SLC22A5: variants seen among roughly 807,000 people sequenced by gnomAD.
The protein encoded by SLC22A5 is solute carrier family 22 member 5, also known as organic cation/carnitine transporter 2.
In SLC22A5, 44 loss-of-function variants were observed where a neutral mutation model predicts 56.7. That is an observed-to-expected ratio of 0.78 (90% CI 0.61 to 1.00). SLC22A5 has a LOEUF of 1.00. Ranked by LOEUF, SLC22A5 falls within the 50% of genes least tolerant of loss-of-function variation. SLC22A5 has a pLI of 0.00. For synonymous variants in SLC22A5, 278 were observed against 292.1 expected (o/e 0.95, Z 0.49); for missense variants, 675 against 723.0 (o/e 0.93, Z 0.76).
At chr5:132,388,283 G>A (rs1752597351) in intron 5 of SLC22A5, among the ~76,000 whole-genome samples, 1 of 152,138 alleles carries the variant, frequency 6.6e-6, no homozygotes, top group Non-Finnish European at 1.5e-5. Flanking sequence ...ACCTTTTGTT[G>A]AACTTCTAAC....
At chr5:132,371,884 G>A (rs1301272800) in intron 1 of SLC22A5, among the ~76,000 whole-genome samples, 1 of 152,152 alleles carries the variant, frequency 6.6e-6, no homozygotes, top group African/African-American at 2.4e-5. Context: ...CCTCAGAGGG[G>A]CTTACAGGGG....
rs563142575 is a variant in SLC22A5, at chr5:132,393,772, C to G, written c.1547C>G (p.Pro516Arg). ...TTTCTCCCAGAGAGCTTCGGTACCC[C>G]ACTCCCAGACACCATTGACCAGATG... ...TLFLPESFGT[P>R]LPDTIDQMLR... The change falls in exon 9 of 10, where the codon CCA becomes CGA. Residue 516 changes from proline (P) to arginine (R), a missense_variant. Physicochemically the swap from Pro to Arg is moderately radical, Grantham distance 103. Coordinates refer to ENST00000245407, the MANE Select transcript of SLC22A5 (RefSeq NM_003060.4). 14 of 1,614,180 alleles carry G rather than the reference C, an allele frequency of 8.7e-6. No homozygotes were observed. In the East Asian group the frequency reaches 1.3e-4, roughly 15 times the overall value.
rs951116593 is a variant in SLC22A5 at position 132,370,750 on chromosome 5, C to T, written c.393+385C>T. On this transcript the variant is annotated intron_variant, in intron 1 of 9. Transcript: ENST00000245407. ...TGGGCCAGGGGCTATCCCGTTTTTC[C>T]TCTAGTCTCTTGATTTCTTTTTAGA... Among the ~76,000 whole-genome samples the T allele has an allele frequency of 3.9e-5, 6 of 152,166 alleles. No homozygotes were observed. The East Asian group carries it at 5.8e-4, about 15-fold the overall frequency.
At position 132,395,306 on chromosome 5, in the gene SLC22A5, C is replaced by T. The variant is rs1038279341; in HGVS notation, c.*1034C>T. Reference sequence around the variant, plus strand: ...ACCAGCCCTAGCCTCTAGCACTTCTCTAAGTGCCAAAAACAGTGTCATTGT... The same window carrying T: ...ACCAGCCCTAGCCTCTAGCACTTCTTTAAGTGCCAAAAACAGTGTCATTGT... On this transcript the variant is annotated 3_prime_UTR_variant, in exon 10 of 10. Coordinates refer to ENST00000245407, the MANE Select transcript of SLC22A5 (RefSeq NM_003060.4). 3 of 151,852 alleles carry T rather than the reference C, an allele frequency of 2.0e-5. No individual in the cohort carries two copies. The highest frequency in any genetic ancestry group is 7.3e-5 in the African/African-American group (3 of 41,166). 9.4% of individuals were successfully genotyped at this position (151,852 alleles called of 1,614,324 possible). A position where few individuals can be genotyped will look rare whatever the true frequency, so the allele number is the denominator to read the frequency against.
At chr5:132,389,242 G>A in intron 6 of SLC22A5, 1 of 531,514 alleles carries the variant, frequency 1.9e-6, no homozygotes, top group South Asian at 2.0e-5. Flanking sequence ...AGGCTGTTGT[G>A]GGAAATATGG....
intron 5 of SLC22A5, chr5:132,387,714 TC>T (rs1276344771): frequency 9.4e-5 from 17 of 180,276 alleles, no homozygotes; most frequent in South Asian, 4.9e-4. Flanking sequence ...GTCCACCTCT[TC>T]CCCCTACCCC....
intron 1 of SLC22A5, chr5:132,376,280 GC>G (rs1752136122): frequency 6.6e-6 from 1 of 152,314 alleles, no homozygotes; most frequent in Non-Finnish European, 1.5e-5. Context: ...CTTTTGGAGG[GC>G]CCAAAGCCAG....
At chr5:132,386,524 C>T (rs191869362) in intron 4 of SLC22A5, among the ~76,000 whole-genome samples, 14 of 152,334 alleles carry the variant, frequency 9.2e-5, no homozygotes, top group African/African-American at 3.1e-4. Flanking sequence ...AACCACTGCA[C>T]CTGGCCAAAC....
In SLC22A5 at chr5:132,378,407, G is replaced by T; in HGVS notation, c.423G>T (p.Lys141Asn). The change falls in exon 2 of 10, where the codon AAG becomes AAT. Residue 141 changes from lysine (K) to asparagine (N), a missense_variant. Lys to Asn is a moderately conservative substitution (Grantham distance 94). Coordinates refer to ENST00000245407, the MANE Select transcript of SLC22A5 (RefSeq NM_003060.4). ...ACCTGGTGTGTGAGGACGACTGGAA[G>T]GCCCCACTCACAATCTCCTTGTTCT... ...EWNLVCEDDW[K>N]APLTISLFFV... The T allele has an allele frequency of 6.2e-7, 1 of 1,614,204 alleles. No individual in the cohort carries two copies. The highest frequency in any genetic ancestry group is 1.7e-5 in the Admixed American group (1 of 60,026).
At position 132,392,528 on chromosome 5, in the gene SLC22A5, C is replaced by T. The variant is rs1326829327; in HGVS notation, c.1363C>T (p.Pro455Ser). The change falls in exon 8 of 10, where the codon CCC (proline) becomes TCC (serine). Residue 455 changes from proline (P) to serine (S), a missense_variant. By Grantham distance (74) the Pro-to-Ser change is moderately conservative (BLOSUM62 -1). Coordinates refer to ENST00000245407, the MANE Select transcript of SLC22A5 (RefSeq NM_003060.4). The stretch of plus-strand genomic sequence containing the variant: ...CTACGTGTACACAGCCGAGCTGTAT[C>T]CCACAGTGGTGAGAAACATGGGTGT... ...MVYVYTAELYPTVVRNMGVGV... is the reference protein window; with the variant it reads ...MVYVYTAELYSTVVRNMGVGV... 1.2e-6 allele frequency: 2 copies of T among 1,614,062 alleles called. No individual in the cohort carries two copies. Among genetic ancestry groups the T allele is most frequent in the African/African-American group, 2.7e-5 (2 of 75,006 alleles).
At chr5:132,376,597 T>G (rs1752146352) in intron 1 of SLC22A5, 1 of 152,224 alleles carries the variant, frequency 6.6e-6, no homozygotes, top group Non-Finnish European at 1.5e-5. Flanking sequence ...CCCACGTGGA[T>G]TGCTAGTCTA....
At position 132,389,075 on chromosome 5, in the gene SLC22A5, A is replaced by G. The variant is rs376771026; in HGVS notation, c.1052+54A>G. The G allele has an allele frequency of 2.0e-4, 229 of 1,135,162 alleles. 1 individual carries two copies. In the African/African-American group the frequency reaches 2.9e-3, roughly 14 times the overall value. 70.3% of individuals were successfully genotyped at this position (1,135,162 alleles called of 1,614,324 possible). A position where few individuals can be genotyped will look rare whatever the true frequency, so the allele number is the denominator to read the frequency against. On this transcript the variant is annotated intron_variant, in intron 6 of 9. Transcript: ENST00000245407. ...CCAGACAAAGCTTCTTGAAGTGGCCATTGGGCCTCTTGTTTACAGACATGC... is the reference window on the plus strand; with the variant it reads ...CCAGACAAAGCTTCTTGAAGTGGCCGTTGGGCCTCTTGTTTACAGACATGC...
chr5:132,390,529 T>C, intron 6 of SLC22A5, 161 bp from the exon 7 acceptor site: 1 of 706,988 alleles, frequency 1.4e-6, no homozygotes, highest in East Asian at 2.7e-5. Flanking sequence ...AATTATCTTT[T>C]GATCTATGAA....
At chr5:132,372,393 G>A (rs1160245968) in intron 1 of SLC22A5, among the ~76,000 whole-genome samples, 1 of 152,168 alleles carries the variant, frequency 6.6e-6, no homozygotes, top group Non-Finnish European at 1.5e-5. Flanking sequence ...GAAGCAAGAA[G>A]AAGCACATGG....
In SLC22A5 at chr5:132,394,950, G is replaced by C. The variant is rs148673968; in HGVS notation, c.*678G>C. On this transcript the variant is annotated 3_prime_UTR_variant, in exon 10 of 10. Coordinates refer to ENST00000245407, the MANE Select transcript of SLC22A5 (RefSeq NM_003060.4). The stretch of plus-strand genomic sequence containing the variant: ...TGATCAAAGCACTGGGCTTGTCCAG[G>C]CTCATAATAAATGCTCCATTGAATC... 6.6e-6 allele frequency: 1 copy of C among 152,516 alleles called. No individual in the cohort carries two copies. The highest frequency in any genetic ancestry group is 1.5e-5 in the Non-Finnish European group (1 of 68,240). 9.4% of individuals were successfully genotyped at this position (152,516 alleles called of 1,614,324 possible). A position where few individuals can be genotyped will look rare whatever the true frequency, so the allele number is the denominator to read the frequency against.
chr5:132,373,784 A>G (rs1185255815), intron 1 of SLC22A5, among the ~76,000 whole-genome samples: 1 of 152,172 alleles, frequency 6.6e-6, no homozygotes, highest in Non-Finnish European at 1.5e-5. Context: ...GTACTGGGGA[A>G]TTAGCCAACC....
chr5:132,374,804 C>G (rs1338035576), intron 1 of SLC22A5, among the ~76,000 whole-genome samples: 1 of 151,854 alleles, frequency 6.6e-6, no homozygotes, highest in Non-Finnish European at 1.5e-5. Flanking sequence ...GCCTGTAATC[C>G]CAGGGCTTTG....
intron 1 of SLC22A5, among the ~76,000 whole-genome samples, chr5:132,372,704 T>A (rs1413117854): frequency 6.6e-6 from 1 of 152,264 alleles, no homozygotes; most frequent in African/African-American, 2.4e-5. Context: ...GATCTTTGTT[T>A]TGGGCTACTG....
intron 5 of SLC22A5, 40 bp downstream of exon 5, chr5:132,387,191 C>T (rs1351349720): frequency 6.2e-7 from 1 of 1,613,172 alleles, no homozygotes; most frequent in Non-Finnish European, 8.5e-7. Context: ...GACAGACTGA[C>T]CGTGATTTGA....
Sources: allele counts gnomAD v4.1 joint callset (sites outside exome capture counted in the v4.1 genomes callset), GRCh38; gene constraint gnomAD v4.1.1; transcripts MANE v1.5; gene names NCBI Gene and HGNC (gene_info 2026-07-23, HGNC 2026-07-21).